USP40: variants seen among roughly 807,000 people sequenced by gnomAD.
USP40 encodes the protein ubiquitin carboxyl-terminal hydrolase 40.
A neutral mutation model predicts 166.2 loss-of-function variants in USP40; 143 were observed. That is an observed-to-expected ratio of 0.86 (90% confidence interval 0.75 to 0.99). The LOEUF is 0.99. USP40 is among the 50% of genes least tolerant of loss of function. USP40 has a pLI of 0.00. For missense variants in USP40, 1,444 were observed against 1,479.7 expected (o/e 0.98, Z 0.40); for synonymous variants, 498 against 524.0 (o/e 0.95, Z 0.68).
intron 20 of USP40, among the ~76,000 whole-genome samples, chr2:233,510,618 G>A (rs2066757342): frequency 6.6e-6 from 1 of 151,696 alleles, no homozygotes; most frequent in Non-Finnish European, 1.5e-5. Context: ...TGGCCAGGCT[G>A]GTGTTGAACT....
intron 3 of USP40, chr2:233,561,012 A>C: frequency 2.1e-6 from 2 of 951,034 alleles, no homozygotes; most frequent in Non-Finnish European, 3.3e-6. Context: ...CATTACCCAT[A>C]GGGTATAGGC....
Position 233,481,270 on chromosome 2 carries a change from AATC to A in USP40, c.3529_3531del (p.Asp1177del), listed in dbSNP as rs10581559. Reference sequence around the variant, plus strand: ...CCAGTGTCATCTCTGATTGTACTGAAATCATCATCGTCGTCAATCAGGAGATTC... The same window carrying A: ...CCAGTGTCATCTCTGATTGTACTGAAATCATCGTCGTCAATCAGGAGATTC... On this transcript the variant is annotated inframe_deletion, in exon 31 of 32. Transcript: ENST00000678225. 4.3e-3 allele frequency: 6,927 copies of A among 1,606,424 alleles called. 162 individuals carry two copies. The Admixed American group carries it at 0.067, about 16-fold the overall frequency.
chr2:233,516,999 T>C (rs2067243670), intron 18 of USP40, among the ~76,000 whole-genome samples: 2 of 152,234 alleles, frequency 1.3e-5, no homozygotes, highest in Admixed American at 1.3e-4. Flanking sequence ...ATTTTGTTCA[T>C]TTATGTCTAA....
At chr2:233,534,422 G>C (rs1408070835) in intron 10 of USP40, among the ~76,000 whole-genome samples, 1 of 152,088 alleles carries the variant, frequency 6.6e-6, no homozygotes, top group African/African-American at 2.4e-5. Context: ...TTTAACCTCT[G>C]TCTGGCCTTG....
intron 24 of USP40, among the ~76,000 whole-genome samples, chr2:233,495,723 T>G (rs2065707539): frequency 6.6e-6 from 1 of 152,182 alleles, no homozygotes; most frequent in African/African-American, 2.4e-5. Context: ...GGACACTGGG[T>G]GGCTGGACCC....
chr2:233,544,215 A>C (rs142886949), intron 8 of USP40, among the ~76,000 whole-genome samples: 1 of 152,278 alleles, frequency 6.6e-6, no homozygotes, highest in East Asian at 1.9e-4. Flanking sequence ...TTTATTACAA[A>C]GGATATAAAT....
Position 233,486,813 on chromosome 2 carries a change from C to CA in USP40, c.3198-837dup, listed in dbSNP as rs1163479045. On this transcript the variant is annotated intron_variant, in intron 28 of 31. Coordinates refer to ENST00000678225, the MANE Select transcript of USP40 (RefSeq NM_001365479.2). The surrounding 1 kb of genome is among the most constrained non-coding windows in gnomAD (Gnocchi z 4.0). ...CAGAGGCTGCACAGCCCCATGTCCCCATGGGGGAGGGGGCTGCTGGCCAGG... is the reference window on the plus strand; with the variant it reads ...CAGAGGCTGCACAGCCCCATGTCCCCAATGGGGGAGGGGGCTGCTGGCCAGG... Among the ~76,000 whole-genome samples, 2 of 152,136 alleles carry CA rather than the reference C, an allele frequency of 1.3e-5. No individual in the cohort carries two copies. The highest frequency in any genetic ancestry group is 2.9e-5 in the Non-Finnish European group (2 of 68,030).
At chr2:233,538,862 A>C (rs930919035) in intron 10 of USP40, among the ~76,000 whole-genome samples, 1 of 152,178 alleles carries the variant, frequency 6.6e-6, no homozygotes, top group Admixed American at 6.5e-5. Flanking sequence ...ACAAAATGAA[A>C]AATAAAAAAA....
rs2070294907 is a variant in USP40 at position 233,549,202 on chromosome 2, A to G, written c.865T>C (p.Tyr289His). ...TGTATAATAACTGAGAAGAGGTCAT[A>G]TATATATTCTAAGTCATCCAATTCA... ...QSELDDLEYI[Y>H]DLFSVIIHKG... Residue 289 changes from tyrosine to histidine, a missense_variant, in exon 8 of 32, where the codon TAT becomes CAT. By Grantham distance (83) the Tyr-to-His change is moderately conservative. Transcript: ENST00000678225. The G allele has an allele frequency of 2.7e-6, 4 of 1,500,504 alleles. No individual in the cohort carries two copies. The highest frequency in any genetic ancestry group is 3.7e-6 in the Non-Finnish European group (4 of 1,090,326). 92.9% of individuals were successfully genotyped at this position (1,500,504 alleles called of 1,614,324 possible). A position where few individuals can be genotyped will look rare whatever the true frequency, so the allele number is the denominator to read the frequency against.
chr2:233,502,717 C>T (rs1322178747), intron 21 of USP40, among the ~76,000 whole-genome samples: 1 of 152,054 alleles, frequency 6.6e-6, no homozygotes, highest in Admixed American at 6.6e-5. Context: ...ACCTCTGTCA[C>T]AAACACCCGT....
At chr2:233,512,158 T>C (rs1298515940) in intron 19 of USP40, 2 of 193,692 alleles carry the variant, frequency 1.0e-5, no homozygotes, top group Admixed American at 1.2e-4. Context: ...AAAGTTGAGA[T>C]TGTTATTACC....
At chr2:233,510,503 A>G (rs1301793974) in intron 20 of USP40, among the ~76,000 whole-genome samples, 2 of 144,668 alleles carry the variant, frequency 1.4e-5, no homozygotes, top group African/African-American at 5.2e-5. Flanking sequence ...CCCAAGTTCA[A>G]GCGATTCTCC....
In USP40 at chr2:233,559,879, G is replaced by A. The variant is rs1326782973; in HGVS notation, c.313C>T (p.Leu105=). 2 of 1,610,260 alleles carry A rather than the reference G, an allele frequency of 1.2e-6. No homozygotes were observed. Among genetic ancestry groups the A allele is most frequent in the Non-Finnish European group, 1.7e-6 (2 of 1,178,416 alleles). The change falls in exon 4 of 32, where the codon CTG becomes TTG. Residue 105 remains leucine (L), a synonymous_variant. Transcript: ENST00000678225. The part of the protein sequence containing the change: ...LQLQRLFAQL[L]LLDQEAASTA... ...GATGCAGCTTCCTGGTCTAAGAGCAGAAGCTGAGCAAACAAGCGCTGTAAC... is the reference window on the plus strand; with the variant it reads ...GATGCAGCTTCCTGGTCTAAGAGCAAAAGCTGAGCAAACAAGCGCTGTAAC...
Position 233,477,450 on chromosome 2 carries a change from G to C in USP40, c.3653C>G (p.Pro1218Arg). The C allele has an allele frequency of 6.2e-7, 1 of 1,613,824 alleles. No individual in the cohort carries two copies. The highest frequency in any genetic ancestry group is 8.5e-7 in the Non-Finnish European group (1 of 1,179,884). The change falls in exon 32 of 32, where the codon CCT becomes CGT. Residue 1218 changes from proline (P) to arginine (R), a missense_variant. By Grantham distance (103) the Pro-to-Arg change is moderately radical. Transcript: ENST00000678225. Reference sequence around the variant, plus strand: ...AGTTTCCGGGGCTCGGGGCCGGGCAGGCGTCTCTGCACTGGAGAGGATGTA... The same window carrying C: ...AGTTTCCGGGGCTCGGGGCCGGGCACGCGTCTCTGCACTGGAGAGGATGTA... ...SSYILSSAETPARPRAPETSL... is the reference protein window; with the variant it reads ...SSYILSSAETRARPRAPETSL...
chr2:233,544,723 G>A (rs994768789), intron 8 of USP40, among the ~76,000 whole-genome samples: 3 of 152,026 alleles, frequency 2.0e-5, no homozygotes, highest in South Asian at 2.1e-4. Flanking sequence ...GACAAAATCC[G>A]GCAAAAAGTT....
intron 4 of USP40, among the ~76,000 whole-genome samples, chr2:233,557,780 C>A: frequency 6.6e-6 from 1 of 151,434 alleles, no homozygotes; most frequent in Admixed American, 6.6e-5. Context: ...TTGACTTCAA[C>A]CAAAAAAGTA....
rs529465921 is a variant in USP40 at position 233,488,835 on chromosome 2, G to T, written c.3131+530C>A. On this transcript the variant is annotated intron_variant, in intron 27 of 31. Transcript: ENST00000678225. ...GTGGGAGGATCACTTGAGCCCAGGA[G>T]GTTGAGGCTGTAGTTGAGCCATGAT... Among the ~76,000 whole-genome samples, 273 of 152,222 alleles carry T rather than the reference G, an allele frequency of 1.8e-3. 1 individual carries two copies. The highest frequency in any genetic ancestry group is 5.7e-3 in the African/African-American group (235 of 41,512).
chr2:233,526,908 A>G (rs2068071031), intron 13 of USP40, among the ~76,000 whole-genome samples: 1 of 152,252 alleles, frequency 6.6e-6, no homozygotes. Flanking sequence ...TGCTATCATC[A>G]TTAAAACATA....
In USP40 at chr2:233,498,523, G is replaced by C; in HGVS notation, c.2715+25C>G. 1.9e-6 allele frequency: 3 copies of C among 1,600,718 alleles called. No individual in the cohort carries two copies. In the African/African-American group the frequency reaches 4.0e-5, roughly 21 times the overall value. ...ATGACATAAATGTAATCATACGAAA[G>C]TACAATGTATAGAAATCATCTTACT... On this transcript the variant is annotated intron_variant, in intron 23 of 31. Coordinates refer to ENST00000678225, the MANE Select transcript of USP40 (RefSeq NM_001365479.2).
Sources: allele counts gnomAD v4.1 joint callset (sites outside exome capture counted in the v4.1 genomes callset), GRCh38; gene constraint gnomAD v4.1.1; non-coding constraint Gnocchi (gnomAD v3.1); transcripts MANE v1.5; gene names NCBI Gene and HGNC (gene_info 2026-07-23, HGNC 2026-07-21).